NEO1: variants seen among roughly 807,000 people sequenced by gnomAD.
NEO1 encodes the protein neogenin 1.
Under a neutral mutation model 159.7 loss-of-function variants are expected in NEO1, and 63 were observed. The observed-to-expected ratio is 0.39, with a 90% confidence interval of 0.32 to 0.49. The LOEUF is 0.49. NEO1 is among the 20% of genes least tolerant of loss of function. NEO1 has a pLI of 0.85. For synonymous variants in NEO1, 633 were observed against 662.0 expected (o/e 0.96, Z 0.67); for missense variants, 1,615 against 1,831.0 (o/e 0.88, Z 2.15).
chr15:73,272,595 C>A (rs75229276), intron 19 of NEO1, 33 bp downstream of exon 19: 2 of 1,415,908 alleles, frequency 1.4e-6, no homozygotes, highest in Admixed American at 3.4e-5. Context: ...TTTCTTTGTG[C>A]GCTCTTCCTG....
intron 11 of NEO1, among the ~76,000 whole-genome samples, chr15:73,251,665 C>G (rs748948485): frequency 1.3e-5 from 2 of 152,124 alleles, no homozygotes; most frequent in African/African-American, 4.8e-5. Context: ...AATCTACACA[C>G]GAGCCAAATT....
intron 5 of NEO1, among the ~76,000 whole-genome samples, chr15:73,154,851 C>T (rs2033659076): frequency 1.3e-5 from 2 of 152,186 alleles, no homozygotes; most frequent in Non-Finnish European, 2.9e-5. Context: ...TCAGCATTAA[C>T]ATTGATATGT....
At chr15:73,124,712 C>T (rs776393254) in intron 3 of NEO1, among the ~76,000 whole-genome samples, 1 of 152,058 alleles carries the variant, frequency 6.6e-6, no homozygotes, top group African/African-American at 2.4e-5. Context: ...TGATTTCCAC[C>T]CCCAGTGTTT....
chr15:73,097,839 A>T (rs1305669524), intron 1 of NEO1, among the ~76,000 whole-genome samples: 1 of 143,182 alleles, frequency 7.0e-6, no homozygotes, highest in Non-Finnish European at 1.5e-5. Context: ...AGAGACCAAA[A>T]CCTGAGTATG....
In NEO1 at chr15:73,289,237, G is replaced by C; in HGVS notation, c.3741G>C (p.Gln1247His). Reference sequence around the variant, plus strand: ...TGCCCTTTGACTCCCAGCCACCCCAGCGTAAGTAGAAGCATCTCTTTTCCT... The same window carrying C: ...TGCCCTTTGACTCCCAGCCACCCCACCGTAAGTAGAAGCATCTCTTTTCCT... ...MMMPFDSQPP[Q>H]PVISAHPIHS... Residue 1247 changes from glutamine (Q) to histidine (H), a missense_variant and splice_region_variant, in exon 25 of 29, where the codon CAG becomes CAC. By Grantham distance (24) the Gln-to-His change is conservative. Transcript: ENST00000261908. 6.2e-7 allele frequency: 1 copy of C among 1,613,840 alleles called. No individual in the cohort carries two copies. Among genetic ancestry groups the C allele is most frequent in the Non-Finnish European group, 8.5e-7 (1 of 1,179,798 alleles).
intron 5 of NEO1, among the ~76,000 whole-genome samples, chr15:73,139,560 A>G (rs2032177951): frequency 6.6e-6 from 1 of 152,226 alleles, no homozygotes; most frequent in South Asian, 2.1e-4. Flanking sequence ...CCCTGGGAAG[A>G]CATACATTAC....
chr15:73,126,641 T>C (rs1176952846), intron 4 of NEO1, 71 bp downstream of exon 4: 45 of 1,414,354 alleles, frequency 3.2e-5, no homozygotes, highest in Middle Eastern at 1.8e-4. Flanking sequence ...TTTGGGACTA[T>C]TGACTAATTT....
intron 7 of NEO1, among the ~76,000 whole-genome samples, chr15:73,198,354 T>C (rs982068228): frequency 6.6e-6 from 1 of 152,200 alleles, no homozygotes; most frequent in Admixed American, 6.5e-5. Context: ...GATTATATTT[T>C]ATGATAAATT....
At chr15:73,151,134 T>C (rs1348132033) in intron 5 of NEO1, among the ~76,000 whole-genome samples, 1 of 152,230 alleles carries the variant, frequency 6.6e-6, no homozygotes, top group Non-Finnish European at 1.5e-5. Flanking sequence ...ATTTTAACTT[T>C]AGTCATCCTG....
At chr15:73,234,689 C>T (rs1313211853) in intron 7 of NEO1, among the ~76,000 whole-genome samples, 1 of 152,072 alleles carries the variant, frequency 6.6e-6, no homozygotes, top group African/African-American at 2.4e-5. Context: ...CATTATCTTA[C>T]ATTCTTATAA....
intron 5 of NEO1, chr15:73,143,335 T>G (rs1389554067): frequency 1.3e-5 from 2 of 156,948 alleles, no homozygotes; most frequent in Non-Finnish European, 2.8e-5. Flanking sequence ...AGTTTGGCTC[T>G]GTGACCCACA....
intron 7 of NEO1, among the ~76,000 whole-genome samples, chr15:73,235,608 C>T (rs2039129555): frequency 6.6e-6 from 1 of 152,192 alleles, no homozygotes; most frequent in South Asian, 2.1e-4. Flanking sequence ...ACCTGACTTG[C>T]AATTTTTTGG....
At chr15:73,248,981 A>G in intron 9 of NEO1, 79 bp from the exon 10 acceptor site, 1 of 1,388,568 alleles carries the variant, frequency 7.2e-7, no homozygotes, top group South Asian at 1.5e-5. Context: ...CGTGGCCAAT[A>G]TGACAGTATT....
chr15:73,116,937 GTTTTC>G lies in NEO1; in HGVS notation c.448+85_448+89del, dbSNP rs2071359451. 6 of 1,189,514 alleles carry G rather than the reference GTTTTC, an allele frequency of 5.0e-6. No individual in the cohort carries two copies. The South Asian group carries it at 6.5e-5, about 13-fold the overall frequency. 73.7% of individuals were successfully genotyped at this position (1,189,514 alleles called of 1,614,324 possible). On this transcript the variant is annotated intron_variant, in intron 2 of 28. Coordinates refer to ENST00000261908, the MANE Select transcript of NEO1 (RefSeq NM_002499.4). ...TTGATAAAAGCACTGTTCTCTTGGA[GTTTTC>G]TTTTAATTAGTAGCAACAAATATAC...
At chr15:73,204,945 G>A (rs1434161559) in intron 7 of NEO1, among the ~76,000 whole-genome samples, 1 of 152,150 alleles carries the variant, frequency 6.6e-6, no homozygotes, top group Non-Finnish European at 1.5e-5. Flanking sequence ...TGTAGCTATA[G>A]GTTATCAGAG....
intron 1 of NEO1, among the ~76,000 whole-genome samples, chr15:73,082,014 C>T (rs2069079931): frequency 2.0e-5 from 3 of 152,000 alleles, no homozygotes; most frequent in Non-Finnish European, 4.4e-5. Flanking sequence ...GCTGGGACTA[C>T]AGGCATGCAC....
chr15:73,122,657 T>C lies in NEO1; in HGVS notation c.581T>C (p.Leu194Pro). 2 of 1,614,166 alleles carry C rather than the reference T, an allele frequency of 1.2e-6. No homozygotes were observed. The highest frequency in any genetic ancestry group is 1.7e-6 in the Non-Finnish European group (2 of 1,180,030). Residue 194 changes from leucine to proline, a missense_variant, in exon 3 of 29, where the codon CTG (leucine) becomes CCG (proline). Physicochemically the swap from Leu to Pro is moderately conservative, Grantham distance 98. Transcript: ENST00000261908. ...GAACAGAACAGACAACCCCTTCTTC[T>C]GGATGATAGAGTTATCAAACTTCCA... ...RWEQNRQPLL[L>P]DDRVIKLPSG...
rs370202336 is a variant in NEO1 at position 73,254,512 on chromosome 15, A to G, written c.1945-170A>G. 9.2e-5 allele frequency among the ~76,000 whole-genome samples: 14 copies of G among 152,364 alleles called. No homozygotes were observed. In the East Asian group the frequency reaches 9.6e-4, roughly 10 times the overall value. On this transcript the variant is annotated intron_variant, in intron 12 of 28. Transcript: ENST00000261908. Reference sequence around the variant, plus strand: ...TTCCCATTTGATCATTGAGGGTTTTAGAATTTAAAGGTATTTTTGAGTGAT... The same window carrying G: ...TTCCCATTTGATCATTGAGGGTTTTGGAATTTAAAGGTATTTTTGAGTGAT...
intron 5 of NEO1, among the ~76,000 whole-genome samples, chr15:73,146,689 C>T (rs2032925430): frequency 6.6e-6 from 1 of 152,140 alleles, no homozygotes; most frequent in Non-Finnish European, 1.5e-5. Context: ...AGAGAACTTT[C>T]AGATATTCTA....
Sources: gnomAD v4.1 joint callset for allele counts (sites outside exome capture counted in the v4.1 genomes callset) on GRCh38, gnomAD v4.1.1 for gene constraint, MANE v1.5 for transcripts, NCBI Gene and HGNC (gene_info 2026-07-23, HGNC 2026-07-21) for gene names.